ADAMTS12: variants seen among roughly 807,000 people sequenced by gnomAD.
ADAMTS12 encodes the protein ADAM metallopeptidase with thrombospondin type 1 motif 12, also known as A disintegrin and metalloproteinase with thrombospondin motifs 12.
In ADAMTS12, 118 loss-of-function variants were observed where a neutral mutation model predicts 167.8. The ratio of observed to expected loss-of-function variants is 0.70; its 90% CI spans 0.61 to 0.82. The LOEUF is 0.82. Ranked by LOEUF, ADAMTS12 falls within the 40% of genes least tolerant of loss-of-function variation. The pLI is 0.00. For synonymous variants in ADAMTS12, 704 were observed against 716.9 expected (o/e 0.98, Z 0.29); for missense variants, 1,916 against 1,998.8 (o/e 0.96, Z 0.79).
chr5:33,880,283 T>C (rs1034604622), intron 2 of ADAMTS12, among the ~76,000 whole-genome samples: 1 of 152,186 alleles, frequency 6.6e-6, no homozygotes, highest in African/African-American at 2.4e-5. Flanking sequence ...GCCTGGCATA[T>C]TCGAATAATA....
At chr5:33,845,450 C>G (rs1358214105) in intron 2 of ADAMTS12, among the ~76,000 whole-genome samples, 4 of 152,272 alleles carry the variant, frequency 2.6e-5, no homozygotes, top group East Asian at 3.9e-4. Flanking sequence ...TGAATATCAT[C>G]ATAAATACTG....
At chr5:33,540,785 C>T (rs1420366074) in intron 22 of ADAMTS12, among the ~76,000 whole-genome samples, 1 of 151,664 alleles carries the variant, frequency 6.6e-6, no homozygotes, top group Non-Finnish European at 1.5e-5. Context: ...GGAATAGCAT[C>T]AACATCAACA....
At chr5:33,587,384 T>A (rs758228942) in intron 18 of ADAMTS12, among the ~76,000 whole-genome samples, 1 of 152,188 alleles carries the variant, frequency 6.6e-6, no homozygotes, top group Non-Finnish European at 1.5e-5. Flanking sequence ...TTCTCCTGAA[T>A]CAGATATTCT....
intron 2 of ADAMTS12, among the ~76,000 whole-genome samples, chr5:33,872,596 C>A (rs1028351597): frequency 2.6e-5 from 4 of 151,912 alleles, no homozygotes; most frequent in Admixed American, 6.6e-5. Context: ...AGACCAATTT[C>A]TCTGATAAAC....
At chr5:33,667,270 A>G (rs1342279985) in intron 5 of ADAMTS12, among the ~76,000 whole-genome samples, 2 of 146,274 alleles carry the variant, frequency 1.4e-5, no homozygotes, top group Admixed American at 7.0e-5. Context: ...GTGAGCCAAG[A>G]TCACGTCACT....
intron 2 of ADAMTS12, among the ~76,000 whole-genome samples, chr5:33,815,046 T>A (rs767388748): frequency 6.6e-6 from 1 of 152,052 alleles, no homozygotes; most frequent in Non-Finnish European, 1.5e-5. Flanking sequence ...TCAAGGAGGG[T>A]TGTTGTTGTT....
chr5:33,578,193 C>G (rs567250869), intron 18 of ADAMTS12, among the ~76,000 whole-genome samples: 1 of 152,288 alleles, frequency 6.6e-6, no homozygotes, highest in South Asian at 2.1e-4. Context: ...TCAGGTATCC[C>G]TGACCTCAAA....
intron 19 of ADAMTS12, among the ~76,000 whole-genome samples, chr5:33,568,265 A>T (rs1746115153): frequency 1.3e-5 from 2 of 152,324 alleles, no homozygotes; most frequent in South Asian, 4.1e-4. Context: ...AGATAAGATG[A>T]CAGAAAATGT....
rs189389736 is a variant in ADAMTS12, at chr5:33,524,544, A to G, written c.*2644T>C. 1 of 152,360 alleles carries G rather than the reference A, an allele frequency of 6.6e-6. No individual in the cohort carries two copies. The highest frequency in any genetic ancestry group is 2.4e-5 in the African/African-American group (1 of 41,588). 9.4% of individuals were successfully genotyped at this position (152,360 alleles called of 1,614,324 possible). A position where few individuals can be genotyped will look rare whatever the true frequency, so the allele number is the denominator to read the frequency against. On this transcript the variant is annotated 3_prime_UTR_variant, in exon 24 of 24. Transcript: ENST00000504830. Reference sequence around the variant, plus strand: ...TAAAGTAAATCAACAACTCTGCTTCATATCAGCACCCAAGTATCAAAGATG... The same window carrying G: ...TAAAGTAAATCAACAACTCTGCTTCGTATCAGCACCCAAGTATCAAAGATG...
intron 21 of ADAMTS12, among the ~76,000 whole-genome samples, chr5:33,546,915 A>G (rs771892532): frequency 1.3e-5 from 2 of 151,844 alleles, no homozygotes; most frequent in Non-Finnish European, 3.0e-5. Flanking sequence ...AACGATAACA[A>G]TAAGATAATT....
chr5:33,550,142 C>T (rs1032975596), intron 20 of ADAMTS12, among the ~76,000 whole-genome samples: 30 of 152,316 alleles, frequency 2.0e-4, no homozygotes, highest in African/African-American at 6.5e-4. Flanking sequence ...GGTTCACCAG[C>T]AGGCTGCTGA....
chr5:33,847,056 GA>G (rs1193991036), intron 2 of ADAMTS12, among the ~76,000 whole-genome samples: 5 of 152,174 alleles, frequency 3.3e-5, no homozygotes, highest in Admixed American at 3.3e-4. Flanking sequence ...TCCAGAAAGG[GA>G]AAACAAACAA....
intron 19 of ADAMTS12, among the ~76,000 whole-genome samples, chr5:33,564,727 T>C (rs1315178272): frequency 6.6e-6 from 1 of 152,200 alleles, no homozygotes; most frequent in East Asian, 1.9e-4. Context: ...CTTTCCTGAA[T>C]GTCATGGGAC....
chr5:33,705,846 G>C (rs1397731533), intron 3 of ADAMTS12, among the ~76,000 whole-genome samples: 2 of 151,334 alleles, frequency 1.3e-5, no homozygotes, highest in African/African-American at 2.4e-5. Context: ...TAATAAACTA[G>C]CTGAAAAAGA....
chr5:33,835,224 A>G (rs374333783), intron 2 of ADAMTS12, among the ~76,000 whole-genome samples: 1 of 152,164 alleles, frequency 6.6e-6, no homozygotes, highest in East Asian at 1.9e-4. Context: ...CCGTAAGACC[A>G]AAAGGCAGGG....
At chr5:33,570,228 T>C (rs1223560863) in intron 19 of ADAMTS12, among the ~76,000 whole-genome samples, 1 of 151,914 alleles carries the variant, frequency 6.6e-6, no homozygotes, top group Non-Finnish European at 1.5e-5. Flanking sequence ...AACAATCAGA[T>C]TCAGGAAATA....
intron 22 of ADAMTS12, among the ~76,000 whole-genome samples, chr5:33,535,284 G>A (rs1226444802): frequency 6.6e-6 from 1 of 152,156 alleles, no homozygotes; most frequent in Non-Finnish European, 1.5e-5. Flanking sequence ...TCGCCACATG[G>A]CTACAGCACT....
At chr5:33,535,928 T>C (rs25756) in intron 22 of ADAMTS12, among the ~76,000 whole-genome samples, 73,690 of 151,744 alleles carry the variant, frequency 0.49, 19,140 homozygotes, top group East Asian at 0.77. Flanking sequence ...TGTGCCTAGC[T>C]GGACCAGGTC....
intron 3 of ADAMTS12, among the ~76,000 whole-genome samples, chr5:33,703,109 T>C (rs540885906): frequency 5.3e-5 from 8 of 152,300 alleles, no homozygotes; most frequent in African/African-American, 1.7e-4. Flanking sequence ...AATAAAACCA[T>C]TTCTGACATT....
Sources: allele counts gnomAD v4.1 joint callset (sites outside exome capture counted in the v4.1 genomes callset), GRCh38; gene constraint gnomAD v4.1.1; transcripts MANE v1.5; gene names NCBI Gene and HGNC (gene_info 2026-07-23, HGNC 2026-07-21).